ABCA1: variants seen among roughly 807,000 people sequenced by gnomAD.
ABCA1 encodes phospholipid-transporting ATPase ABCA1.
A neutral mutation model predicts 262.5 loss-of-function variants in ABCA1; 133 were observed. That is an observed-to-expected ratio of 0.51 (90% CI 0.44 to 0.59). ABCA1 has a LOEUF of 0.59. Among genes scored for constraint, ABCA1 ranks in the 20% least tolerant of loss-of-function variants. The pLI is 0.00. For missense variants in ABCA1, 2,452 were observed against 2,777.5 expected, an observed-to-expected ratio of 0.88 and a Z score of 2.63; for synonymous variants, 1,022 against 1,043.5, an observed-to-expected ratio of 0.98 and a Z score of 0.40.
intron 11 of ABCA1, among the ~76,000 whole-genome samples, chr9:104,836,676 C>CA (rs1161994260): frequency 6.6e-6 from 1 of 152,074 alleles, no homozygotes; most frequent in Non-Finnish European, 1.5e-5. Flanking sequence ...AGGCTGCAGC[C>CA]AAAAAGGAAA....
rs182507792 is a variant in ABCA1 at position 104,856,033 on chromosome 9, G to T, written c.720+2489C>A. The T allele has an allele frequency of 1.1e-5, 18 of 1,612,218 alleles. No individual in the cohort carries two copies. In the African/African-American group the frequency reaches 2.4e-4, roughly 21 times the overall value. On this transcript the variant is annotated intron_variant, in intron 7 of 49. Transcript: ENST00000374736. ...TGCATCTCCGGTTGCTGCTACTGCT[G>T]CACTTCTTGGCACAGTTAACTGCCC... is the stretch of plus-strand genomic sequence containing the variant.
chr9:104,803,458 G>T, intron 32 of ABCA1, 142 bp from the exon 33 acceptor site: 2 of 860,318 alleles, frequency 2.3e-6, no homozygotes, highest in Non-Finnish European at 3.8e-6. Flanking sequence ...GTAGGGTTGT[G>T]CTAGAGAAAA....
rs1354931503 is a variant in ABCA1 at position 104,785,526 on chromosome 9, T to C, written c.6515A>G (p.His2172Arg). 1.6e-5 allele frequency: 26 copies of C among 1,613,542 alleles called. No individual in the cohort carries two copies. The highest frequency in any genetic ancestry group is 2.2e-5 in the Non-Finnish European group (26 of 1,179,762). Residue 2172 changes from histidine (H) to arginine (R), a missense_variant, in exon 49 of 50, where the codon CAC (histidine) becomes CGC (arginine). Around this residue, in one of 4 missense-constraint regions of ABCA1, gnomAD observed 752 missense variants for 944.5 expected, o/e 0.80. Coordinates refer to ENST00000374736, the MANE Select transcript of ABCA1 (RefSeq NM_005502.4). ...AAGCTGGTATTGTAGCATGTTCCGG[T>C]GTTTCTCTTTTAGAACACTTCCAGG... ...AFPGSVLKEK[H>R]RNMLQYQLPS...
At chr9:104,914,069 G>T (rs541626060) in intron 1 of ABCA1, among the ~76,000 whole-genome samples, 38 of 151,986 alleles carry the variant, frequency 2.5e-4, no homozygotes, top group Middle Eastern at 6.8e-3. Flanking sequence ...AAAGTGCTGG[G>T]ATTACAGGCG....
At position 104,862,654 on chromosome 9, in the gene ABCA1, C is replaced by CA. The variant is rs1836603364; in HGVS notation, c.422-855_422-854insT. ...ACTGCCGGGCCGGGCCGGGCCGGGCCGGGCCGGGCCGGGCCGGGCCGGGCC... is the reference window on the plus strand; with the variant it reads ...ACTGCCGGGCCGGGCCGGGCCGGGCCAGGGCCGGGCCGGGCCGGGCCGGGCC... On this transcript the variant is annotated intron_variant, in intron 5 of 49. Coordinates refer to ENST00000374736, the MANE Select transcript of ABCA1 (RefSeq NM_005502.4). Among the ~76,000 whole-genome samples, 4 of 7,514 alleles carry CA rather than the reference C, an allele frequency of 5.3e-4. 1 individual carries two copies. Among genetic ancestry groups the CA allele is most frequent in the African/African-American group, 6.6e-4 (1 of 1,512 alleles). 4.9% of individuals were successfully genotyped at this position (7,514 alleles called of 152,430 possible). A position where few individuals can be genotyped will look rare whatever the true frequency, so the allele number is the denominator to read the frequency against.
intron 27 of ABCA1, among the ~76,000 whole-genome samples, chr9:104,813,020 G>A (rs925175809): frequency 6.6e-5 from 10 of 152,200 alleles, no homozygotes; most frequent in Non-Finnish European, 1.2e-4. Context: ...CCAGCCATTC[G>A]GATGAATCAA....
chr9:104,914,101 C>A (rs1043459005), intron 1 of ABCA1, among the ~76,000 whole-genome samples: 8 of 151,890 alleles, frequency 5.3e-5, no homozygotes, highest in African/African-American at 1.7e-4. Flanking sequence ...ACCCGGCCCC[C>A]TACAAGTTTT....
In ABCA1 at chr9:104,817,843, A is replaced by G. The variant is rs772303577; in HGVS notation, c.3463-439T>C. On this transcript the variant is annotated intron_variant, in intron 23 of 49. Transcript: ENST00000374736. The surrounding 1 kb of genome is among the most constrained non-coding windows in gnomAD (Gnocchi z 4.7). ...TTGCTGAATTTCTAACAAGTTCCCA[A>G]GTGATCCTGATGCTGCTGGTCCTCA... Among the ~76,000 whole-genome samples, 2 of 152,220 alleles carry G rather than the reference A, an allele frequency of 1.3e-5. No individual in the cohort carries two copies. The highest frequency in any genetic ancestry group is 2.9e-5 in the Non-Finnish European group (2 of 68,044).
intron 15 of ABCA1, 60 bp from the exon 16 acceptor site, chr9:104,827,229 TG>T: frequency 7.1e-7 from 1 of 1,406,172 alleles, no homozygotes; most frequent in Non-Finnish European, 1.0e-6. Flanking sequence ...CTCACTTGTA[TG>T]ATCTACAGAA....
intron 5 of ABCA1, among the ~76,000 whole-genome samples, chr9:104,879,671 C>G (rs1838456874): frequency 6.6e-6 from 1 of 152,144 alleles, no homozygotes; most frequent in South Asian, 2.1e-4. Flanking sequence ...TTAAAATAAT[C>G]ACAATTTTGT....
intron 1 of ABCA1, among the ~76,000 whole-genome samples, chr9:104,906,337 C>T (rs1047259947): frequency 6.6e-6 from 1 of 152,196 alleles, no homozygotes; most frequent in South Asian, 2.1e-4. Context: ...AGAAGACACA[C>T]CTCTACACAA....
chr9:104,814,014 A>T (rs772034629), intron 27 of ABCA1, 104 bp downstream of exon 27: 6 of 1,149,616 alleles, frequency 5.2e-6, no homozygotes. Context: ...CTCTGTAGGG[A>T]TCTATCACCT....
intron 13 of ABCA1, 48 bp from the exon 14 acceptor site, chr9:104,831,149 TAAAAAAA>T: frequency 8.7e-6 from 8 of 924,038 alleles, no homozygotes; most frequent in Non-Finnish European, 8.7e-6. Context: ...AACCATACAA[TAAAAAAA>T]AAAAAAAAAA....
intron 20 of ABCA1, 50 bp downstream of exon 20, chr9:104,821,323 GAC>G (rs2118971852): frequency 1.9e-6 from 3 of 1,604,160 alleles, no homozygotes; most frequent in Non-Finnish European, 2.6e-6. Context: ...ATGATGGCAT[GAC>G]ACACACACAT....
intron 8 of ABCA1, 126 bp from the exon 9 acceptor site, chr9:104,840,645 C>A: frequency 2.0e-6 from 2 of 1,016,790 alleles, no homozygotes; most frequent in East Asian, 2.6e-5. Flanking sequence ...TGTCCCAGAA[C>A]ATATTTTGTC....
In ABCA1 at chr9:104,796,656, C is replaced by A. The variant is rs73519813; in HGVS notation, c.5122-232G>T. ...ATGCCCTTTCTGTCTTTCCAACAGT[C>A]AAGCCAAGGTGTCACACTCAGTAAA... On this transcript the variant is annotated intron_variant, in intron 37 of 49. Transcript: ENST00000374736. Among the ~76,000 whole-genome samples the A allele has an allele frequency of 0.048, 7,335 of 152,190 alleles. 550 individuals carry two copies. The highest frequency in any genetic ancestry group is 0.17 in the African/African-American group (6,851 of 41,466).
intron 44 of ABCA1, among the ~76,000 whole-genome samples, chr9:104,789,724 T>A (rs1488899428): frequency 1.3e-5 from 2 of 152,182 alleles, no homozygotes; most frequent in South Asian, 4.1e-4. Context: ...TAGGTTGAGA[T>A]ATAAAATGTA....
At chr9:104,785,739 C>A in intron 48 of ABCA1, 100 bp from the exon 49 acceptor site, 3 of 1,446,860 alleles carry the variant, frequency 2.1e-6, no homozygotes, top group Non-Finnish European at 2.9e-6. Flanking sequence ...AAAAGGGCGG[C>A]CCCTGGCAGG....
chr9:104,860,859 C>T (rs1352589847), intron 6 of ABCA1, among the ~76,000 whole-genome samples: 5 of 143,934 alleles, frequency 3.5e-5, no homozygotes, highest in African/African-American at 1.3e-4. Context: ...CAGGTTCAAA[C>T]GATTCTCCTG....
Sources: allele counts gnomAD v4.1 joint callset (sites outside exome capture counted in the v4.1 genomes callset), GRCh38; gene constraint gnomAD v4.1.1; regional missense constraint gnomAD v4.1.1; non-coding constraint Gnocchi (gnomAD v3.1); transcripts MANE v1.5; gene names NCBI Gene and HGNC (gene_info 2026-07-23, HGNC 2026-07-21).